NCKAP5: variants seen among roughly 807,000 people sequenced by gnomAD.
The protein encoded by NCKAP5 is nck-associated protein 5.
In NCKAP5, 92 loss-of-function variants were observed where a neutral mutation model predicts 167.0. The observed-to-expected ratio is 0.55, with a 90% CI of 0.47 to 0.66. The LOEUF (loss-of-function observed/expected upper bound fraction) is 0.66, where lower values mean the gene tolerates loss of function less well. Ranked by LOEUF, NCKAP5 falls within the 30% of genes least tolerant of loss-of-function variation. NCKAP5 has a pLI of 0.00. For missense variants in NCKAP5, 2,378 were observed against 2,315.0 expected (o/e 1.03, Z -0.56); for synonymous variants, 891 against 877.4 (o/e 1.02, Z -0.27).
At chr2:133,186,865 G>T (rs2084967925) in intron 5 of NCKAP5, among the ~76,000 whole-genome samples, 1 of 151,922 alleles carries the variant, frequency 6.6e-6, no homozygotes, top group Non-Finnish European at 1.5e-5. Flanking sequence ...AACCTAGCTA[G>T]CAGTCTGTCA....
chr2:133,303,820 T>A (rs1472473985), intron 3 of NCKAP5, among the ~76,000 whole-genome samples: 2 of 152,072 alleles, frequency 1.3e-5, no homozygotes, highest in Admixed American at 6.6e-5. Context: ...AGCAGAAAAA[T>A]CCATAGGTTA....
chr2:133,244,364 T>C (rs1200651759), intron 4 of NCKAP5, among the ~76,000 whole-genome samples: 1 of 152,180 alleles, frequency 6.6e-6, no homozygotes, highest in Non-Finnish European at 1.5e-5. Context: ...TGCATTAACT[T>C]TTCTCACTGA....
intron 3 of NCKAP5, among the ~76,000 whole-genome samples, chr2:133,511,881 G>T (rs1185437635): frequency 6.6e-6 from 1 of 152,196 alleles, no homozygotes; most frequent in Non-Finnish European, 1.5e-5. Context: ...CAGGTTCCCA[G>T]TGGCCAGGGG....
intron 3 of NCKAP5, among the ~76,000 whole-genome samples, chr2:133,432,352 A>T (rs1190127429): frequency 6.6e-6 from 1 of 152,244 alleles, no homozygotes. Flanking sequence ...CTAAACATTT[A>T]TTTAAGTCAA....
chr2:132,866,609 G>C (rs1485615231), intron 10 of NCKAP5, among the ~76,000 whole-genome samples: 1 of 151,932 alleles, frequency 6.6e-6, no homozygotes, highest in Non-Finnish European at 1.5e-5. Context: ...CAGGATACTT[G>C]TCTGGGCCAA....
intron 5 of NCKAP5, among the ~76,000 whole-genome samples, chr2:133,147,021 A>G (rs527733329): frequency 1.3e-5 from 2 of 152,278 alleles, no homozygotes; most frequent in African/African-American, 4.8e-5. Flanking sequence ...TATTACAGTG[A>G]CATAAGTCAA....
At chr2:133,337,214 A>C in intron 3 of NCKAP5, among the ~76,000 whole-genome samples, 1 of 152,234 alleles carries the variant, frequency 6.6e-6, no homozygotes, top group East Asian at 1.9e-4. Flanking sequence ...ACCTGGGTTT[A>C]AATCCAGCTG....
intron 6 of NCKAP5, among the ~76,000 whole-genome samples, chr2:133,014,512 A>T (rs1308299302): frequency 1.3e-5 from 2 of 152,174 alleles, no homozygotes; most frequent in Non-Finnish European, 2.9e-5. Flanking sequence ...GTTGTCCCTT[A>T]TGGCACAATA....
At chr2:133,619,049 T>A in the NCKAP5 span, among the ~76,000 whole-genome samples, 7 of 120,854 alleles carry the variant, frequency 5.8e-5, no homozygotes, top group East Asian at 2.1e-4. Context: ...GTAAACTATC[T>A]CAAGAACAAA....
chr2:133,027,022 G>A (rs2078720855), intron 6 of NCKAP5, among the ~76,000 whole-genome samples: 1 of 152,174 alleles, frequency 6.6e-6, no homozygotes, highest in African/African-American at 2.4e-5. Context: ...TCATGCTGTT[G>A]AGAAGGGTGA....
intron 2 of NCKAP5, among the ~76,000 whole-genome samples, chr2:133,553,207 C>T (rs1368498635): frequency 6.6e-6 from 1 of 152,182 alleles, no homozygotes; most frequent in African/African-American, 2.4e-5. Context: ...GCTGTCCAGA[C>T]TAGAGGTGGA....
chr2:132,938,151 G>A (rs1167923264), intron 8 of NCKAP5, among the ~76,000 whole-genome samples: 1 of 152,120 alleles, frequency 6.6e-6, no homozygotes, highest in Non-Finnish European at 1.5e-5. Flanking sequence ...TGGCTGTCAA[G>A]GTGGTATGAT....
At chr2:133,505,153 G>A (rs1682890904) in intron 3 of NCKAP5, among the ~76,000 whole-genome samples, 1 of 152,080 alleles carries the variant, frequency 6.6e-6, no homozygotes, top group Non-Finnish European at 1.5e-5. Flanking sequence ...AATAGACACT[G>A]GCTGGGTTTC....
chr2:133,383,163 C>A (rs958816990), intron 3 of NCKAP5, among the ~76,000 whole-genome samples: 2 of 151,820 alleles, frequency 1.3e-5, no homozygotes, highest in Non-Finnish European at 2.9e-5. Context: ...TGTGCTGTAC[C>A]CATTAACTTA....
intron 19 of NCKAP5, among the ~76,000 whole-genome samples, chr2:132,722,811 TTTG>T (rs145315275): frequency 0.1 from 15,933 of 151,908 alleles, 1,013 homozygotes; most frequent in East Asian, 0.18. Flanking sequence ...TATTATGTTT[TTTG>T]TTGTTGTTGT....
chr2:133,202,142 A>G (rs1374184312), intron 5 of NCKAP5, among the ~76,000 whole-genome samples: 1 of 152,188 alleles, frequency 6.6e-6, no homozygotes, highest in Non-Finnish European at 1.5e-5. Flanking sequence ...ACTATACTAC[A>G]AGGCTACAGT....
chr2:133,349,362 G>A (rs1360358255), intron 3 of NCKAP5, among the ~76,000 whole-genome samples: 12 of 152,170 alleles, frequency 7.9e-5, no homozygotes, highest in South Asian at 2.1e-4. Flanking sequence ...CTTCTGCTCC[G>A]CACAGCAGCA....
intron 6 of NCKAP5, among the ~76,000 whole-genome samples, chr2:133,084,473 T>C (rs2080915401): frequency 6.6e-6 from 1 of 152,190 alleles, no homozygotes; most frequent in African/African-American, 2.4e-5. Context: ...AGAATCTCCA[T>C]TTCCTCACCT....
At chr2:133,200,563 C>G (rs958857988) in intron 5 of NCKAP5, among the ~76,000 whole-genome samples, 3 of 152,048 alleles carry the variant, frequency 2.0e-5, no homozygotes, top group Non-Finnish European at 4.4e-5. Context: ...TAGTTAAAGC[C>G]TTCTTAGAGA....
Sources: allele counts gnomAD v4.1 joint callset (sites outside exome capture counted in the v4.1 genomes callset), GRCh38; gene constraint gnomAD v4.1.1; transcripts MANE v1.5; gene names NCBI Gene and HGNC (gene_info 2026-07-23, HGNC 2026-07-21).